Variants in CIT observed in about 807,000 individuals in gnomAD.
The protein encoded by CIT is citron rho-interacting serine/threonine kinase.
Under a neutral mutation model 272.7 loss-of-function variants are expected in CIT, and 79 were observed. The ratio of observed to expected loss-of-function variants is 0.29; its 90% CI spans 0.24 to 0.35. CIT has a LOEUF of 0.35. Among genes scored for constraint, CIT ranks in the 10% least tolerant of loss-of-function variants. The pLI, the probability that CIT is intolerant of heterozygous loss-of-function variation, is 1.00. For synonymous variants in CIT, 948 were observed against 995.6 expected (o/e 0.95, Z 0.90); for missense variants, 1,909 against 2,618.3 (o/e 0.73, Z 5.91).
chr12:119,802,800 AC>A (rs1438630978), intron 10 of CIT, among the ~76,000 whole-genome samples: 1 of 152,018 alleles, frequency 6.6e-6, no homozygotes, highest in Non-Finnish European at 1.5e-5. Context: ...CAAGATAGCA[AC>A]CCCCATCCAC....
intron 5 of CIT, among the ~76,000 whole-genome samples, chr12:119,839,486 A>T (rs932378916): frequency 4.6e-5 from 7 of 152,286 alleles, no homozygotes; most frequent in Middle Eastern, 3.4e-3. Flanking sequence ...CTTTGGCATG[A>T]GGGAGGAGAG....
intron 9 of CIT, among the ~76,000 whole-genome samples, chr12:119,819,734 G>A (rs1053855047): frequency 4.6e-5 from 7 of 152,156 alleles, no homozygotes; most frequent in Non-Finnish European, 7.3e-5. Context: ...GAAGTATTTC[G>A]GTTGATGAAA....
Position 119,713,194 on chromosome 12 carries a change from T to C in CIT, c.4579+9A>G, listed in dbSNP as rs748595069. On this transcript the variant is annotated intron_variant, in intron 35 of 47. Transcript: ENST00000392521. The surrounding 1 kb of genome is among the most constrained non-coding windows in gnomAD (Gnocchi z 5.2). ...GTGCAATGACCTTCCCCCTGAATTA[T>C]TAATTTACCTTCTCTGGCTTCATTG... 1.9e-6 allele frequency: 3 copies of C among 1,610,330 alleles called. No homozygotes were observed. The South Asian group carries it at 3.3e-5, about 18-fold the overall frequency.
rs747648400 is a variant in CIT, at chr12:119,832,792, C to T, written c.732G>A (p.Ala244=). Residue 244 remains alanine, a synonymous_variant, in exon 7 of 48, where the codon GCG becomes GCA. Transcript: ENST00000392521. The part of the protein sequence containing the change: ...HIKLVDFGSA[A]KMNSNKMVNA... ...TTACCATCTTGTTTGAATTCATTTT[C>T]GCGGCAGATCCAAAATCCACCAGCT... 20 of 1,613,552 alleles carry T rather than the reference C, an allele frequency of 1.2e-5. No homozygotes were observed. The highest frequency in any genetic ancestry group is 4.0e-5 in the African/African-American group (3 of 74,886).
rs1966450745 is a variant in CIT at position 119,804,218 on chromosome 12, G to A, written c.1112-829C>T. On this transcript the variant is annotated intron_variant, in intron 9 of 47. Coordinates refer to ENST00000392521, the MANE Select transcript of CIT (RefSeq NM_001206999.2). This position sits in a 1 kb window ranked among gnomAD's most constrained non-coding sequence, Gnocchi z 5.3. ...GTGTTACATCCTCTCCACTTCCTCCGACCTACTAAGCGCTCTCGGTCTGGG... is the reference window on the plus strand; with the variant it reads ...GTGTTACATCCTCTCCACTTCCTCCAACCTACTAAGCGCTCTCGGTCTGGG... The A allele has an allele frequency of 1.0e-6, 1 of 985,202 alleles. No individual in the cohort carries two copies. Among genetic ancestry groups the A allele is most frequent in the Non-Finnish European group, 1.2e-6 (1 of 829,784 alleles). 61.0% of individuals were successfully genotyped at this position (985,202 alleles called of 1,614,324 possible).
chr12:119,780,011 C>G (rs1964139367), intron 13 of CIT, among the ~76,000 whole-genome samples: 1 of 152,176 alleles, frequency 6.6e-6, no homozygotes, highest in Non-Finnish European at 1.5e-5. Flanking sequence ...AGGTGTGAGT[C>G]AGGTCAGGAT....
chr12:119,797,222 G>C (rs1211614082), intron 10 of CIT, among the ~76,000 whole-genome samples: 2 of 152,216 alleles, frequency 1.3e-5, no homozygotes, highest in East Asian at 3.8e-4. Flanking sequence ...AAACACACTT[G>C]ACAGATCTTC....
At position 119,738,609 on chromosome 12, in the gene CIT, C is replaced by T. The variant is rs149811085; in HGVS notation, c.2959-3252G>A. Among the ~76,000 whole-genome samples, 399 of 152,036 alleles carry T rather than the reference C, an allele frequency of 2.6e-3. 1 individual carries two copies. Among genetic ancestry groups the T allele is most frequent in the African/African-American group, 9.2e-3 (382 of 41,466 alleles). On this transcript the variant is annotated intron_variant, in intron 24 of 47. Transcript: ENST00000392521. ...ATTAAAAAAAAAGATCTAAGCTGGA[C>T]GTGGTGGCTCACACCTGTAATCCCA...
intron 4 of CIT, among the ~76,000 whole-genome samples, chr12:119,854,809 G>A (rs961072210): frequency 3.3e-5 from 5 of 152,068 alleles, no homozygotes; most frequent in South Asian, 2.1e-4. Context: ...AAATTAGCCA[G>A]GTGTGGTGGC....
At chr12:119,732,282 C>T (rs1485116656) in intron 26 of CIT, among the ~76,000 whole-genome samples, 2 of 152,226 alleles carry the variant, frequency 1.3e-5, no homozygotes, top group Non-Finnish European at 2.9e-5. Context: ...GAAATGAAAG[C>T]AGACTAATGC....
chr12:119,849,232 G>C (rs1245073158), intron 5 of CIT, among the ~76,000 whole-genome samples: 2 of 152,206 alleles, frequency 1.3e-5, no homozygotes, highest in Admixed American at 1.3e-4. Flanking sequence ...TTTGCGGCCA[G>C]CCCGGCCAAC....
intron 13 of CIT, 51 bp from the exon 14 acceptor site, chr12:119,776,893 T>C (rs753802051): frequency 3.2e-6 from 5 of 1,578,620 alleles, no homozygotes; most frequent in African/African-American, 2.7e-5. Flanking sequence ...CCGAAAAGAA[T>C]AGACAGGCAG....
In CIT at chr12:119,713,868, C is replaced by A. The variant is rs1957303563; in HGVS notation, c.4307-220G>T. 9.7e-6 allele frequency: 6 copies of A among 616,086 alleles called. No individual in the cohort carries two copies. The East Asian group carries it at 1.7e-4, about 17-fold the overall frequency. 38.2% of individuals were successfully genotyped at this position (616,086 alleles called of 1,614,324 possible). On this transcript the variant is annotated intron_variant, in intron 33 of 47. Transcript: ENST00000392521. This position sits in a 1 kb window ranked among gnomAD's most constrained non-coding sequence, Gnocchi z 5.2. ...TTGACCCAGTTTTCCAGGCTTCAAT[C>A]CAGACCGCCCACAAACAGGTGTGTA...
intron 3 of CIT, among the ~76,000 whole-genome samples, chr12:119,863,201 C>CAAAAAAAA (rs751421292): frequency 2.5e-5 from 1 of 40,508 alleles, no homozygotes; most frequent in African/African-American, 8.7e-5. Context: ...GACTCTGTAT[C>CAAAAAAAA]AAAAAAAAAA....
chr12:119,700,379 C>T (rs569025252), intron 44 of CIT, among the ~76,000 whole-genome samples: 27 of 152,116 alleles, frequency 1.8e-4, no homozygotes, highest in Non-Finnish European at 3.2e-4. Flanking sequence ...CTTGCAATTG[C>T]GGTTTTTTTT....
chr12:119,746,632 C>T (rs1263343061), intron 23 of CIT, among the ~76,000 whole-genome samples: 2 of 152,196 alleles, frequency 1.3e-5, no homozygotes, highest in Non-Finnish European at 2.9e-5. Flanking sequence ...AACTCTCCCA[C>T]TGGAGTCTGA....
chr12:119,724,885 G>T (rs1041819374), intron 28 of CIT, among the ~76,000 whole-genome samples: 2 of 125,120 alleles, frequency 1.6e-5, no homozygotes, highest in Non-Finnish European at 3.1e-5. Flanking sequence ...GCAGTGAGCC[G>T]AGATCACTGC....
intron 10 of CIT, among the ~76,000 whole-genome samples, chr12:119,789,522 G>T (rs1965117815): frequency 6.6e-6 from 1 of 152,114 alleles, no homozygotes; most frequent in South Asian, 2.1e-4. Flanking sequence ...AATACAGATA[G>T]ACATGGCTCA....
At chr12:119,735,046 G>A in intron 25 of CIT, 114 bp downstream of exon 25, 1 of 904,758 alleles carries the variant, frequency 1.1e-6, no homozygotes, top group African/African-American at 1.7e-5. Flanking sequence ...TTTAAAAAGA[G>A]CCCAATTACT....
Sources: allele counts gnomAD v4.1 joint callset (sites outside exome capture counted in the v4.1 genomes callset), GRCh38; gene constraint gnomAD v4.1.1; non-coding constraint Gnocchi (gnomAD v3.1); transcripts MANE v1.5; gene names NCBI Gene and HGNC (gene_info 2026-07-23, HGNC 2026-07-21).